TBCD: variants seen among roughly 807,000 people sequenced by gnomAD.
TBCD encodes tubulin folding cofactor D.
TBCD carries 105 observed loss-of-function variants against 169.3 expected under a neutral mutation model. That is an observed-to-expected ratio of 0.62 (90% CI 0.53 to 0.73). The LOEUF is 0.73. Among genes scored for constraint, TBCD ranks in the 30% least tolerant of loss-of-function variants. The probability of loss-of-function intolerance (pLI) is 0.00; values close to 1 mark genes in which losing one functional copy is unlikely to be tolerated. For synonymous variants in TBCD, 700 were observed against 643.9 expected (o/e 1.09, Z -1.32); for missense variants, 1,444 against 1,600.1 (o/e 0.90, Z 1.66).
chr17:82,824,835 CAGCTTTTT>C (rs1179163057), intron 13 of TBCD, among the ~76,000 whole-genome samples: 2 of 152,130 alleles, frequency 1.3e-5, no homozygotes, highest in Non-Finnish European at 2.9e-5. Flanking sequence ...ATTCTATGTT[CAGCTTTTT>C]GAGAGCTTAT....
chr17:82,903,469 G>T lies in TBCD; in HGVS notation c.1795G>T (p.Ala599Ser). 6.3e-7 allele frequency: 1 copy of T among 1,594,542 alleles called. No homozygotes were observed. Among genetic ancestry groups the T allele is most frequent in the South Asian group, 1.1e-5 (1 of 87,490 alleles). ...GGCCCAGCAGGCACCCGAGTTCAGC[G>T]CCACGCAAGGTGGGTGTGTGTCCCG... The part of the protein sequence containing the change: ...NLAQQAPEFS[A>S]TQVFPRLLSM... Residue 599 changes from alanine (A) to serine (S), a missense_variant, in exon 19 of 39, where the codon GCC becomes TCC. Physicochemically the swap from Ala to Ser is moderately conservative, Grantham distance 99. Coordinates refer to ENST00000355528, the MANE Select transcript of TBCD (RefSeq NM_005993.5). This position sits in a 1 kb window ranked among gnomAD's most constrained non-coding sequence, Gnocchi z 4.8.
At chr17:82,939,260 C>A in intron 36 of TBCD, 107 bp from the exon 37 acceptor site, 1 of 864,654 alleles carries the variant, frequency 1.2e-6, no homozygotes, top group Non-Finnish European at 1.9e-6. Flanking sequence ...CAGCGTCCTC[C>A]TCCTGACGCC....
rs1173031321 is a variant in TBCD at position 82,923,663 on chromosome 17, C to T, written c.2190C>T (p.Val730=). The part of the protein sequence containing the change: ...HSRQQMKDAA[V]SALAALCSEY... ...TGCCTTTGTTTTAGGATGCAGCAGT[C>T]TCGGCCCTGGCTGCTCTATGCAGTG... Residue 730 remains valine, a synonymous_variant, in exon 26 of 39, where the codon GTC becomes GTT. Transcript: ENST00000355528. This position sits in a 1 kb window ranked among gnomAD's most constrained non-coding sequence, Gnocchi z 4.6. 1 of 1,581,166 alleles carries T rather than the reference C, an allele frequency of 6.3e-7. No individual in the cohort carries two copies. Among genetic ancestry groups the T allele is most frequent in the Non-Finnish European group, 8.6e-7 (1 of 1,163,086 alleles).
At chr17:82,801,173 C>T (rs2050490683) in intron 9 of TBCD, among the ~76,000 whole-genome samples, 177 bp downstream of exon 9, 1 of 151,788 alleles carries the variant, frequency 6.6e-6, no homozygotes, top group Non-Finnish European at 1.5e-5. Context: ...AGGCAGGCGC[C>T]TTGGTTCTGG....
intron 13 of TBCD, among the ~76,000 whole-genome samples, chr17:82,850,278 C>CTGTTT (rs2055643878): frequency 7.7e-6 from 1 of 130,386 alleles, no homozygotes; most frequent in South Asian, 2.5e-4. Flanking sequence ...GTTGGCTGTG[C>CTGTTT]TGCTGTTGGC....
At chr17:82,893,425 C>T (rs564663941) in intron 16 of TBCD, 122 bp from the exon 17 acceptor site, 2 of 742,814 alleles carry the variant, frequency 2.7e-6, no homozygotes, top group Admixed American at 2.9e-5. Flanking sequence ...GGCTTGCTCA[C>T]CACCTGCCTC....
At position 82,925,034 on chromosome 17, in the gene TBCD, C is replaced by T; in HGVS notation, c.2356C>T (p.Leu786Phe). The T allele has an allele frequency of 6.4e-7, 1 of 1,562,200 alleles. No individual in the cohort carries two copies. The highest frequency in any genetic ancestry group is 8.7e-7 in the Non-Finnish European group (1 of 1,152,662). The change falls in exon 27 of 39, where the codon CTT becomes TTT. Residue 786 changes from leucine (L) to phenylalanine (F), a missense_variant. Coordinates refer to ENST00000355528, the MANE Select transcript of TBCD (RefSeq NM_005993.5). ...SLALGALPGF[L>F]LKGRLQQVLT... is the part of the protein sequence containing the mutation. ...GGCCTTGGGCGCCCTTCCAGGCTTCCTTCTGAAAGGCCGGCTCCAGCAGGT... is the reference window on the plus strand; with the variant it reads ...GGCCTTGGGCGCCCTTCCAGGCTTCTTTCTGAAAGGCCGGCTCCAGCAGGT...
chr17:82,808,670 T>C (rs1598628312), intron 11 of TBCD, among the ~76,000 whole-genome samples: 3 of 75,464 alleles, frequency 4.0e-5, no homozygotes, highest in South Asian at 5.0e-4. Context: ...GTGGAGGGGC[T>C]GGCAGGTGCT....
chr17:82,830,127 C>T (rs748282660), intron 13 of TBCD: 7 of 1,613,132 alleles, frequency 4.3e-6, no homozygotes, highest in South Asian at 2.2e-5. Flanking sequence ...TGTGAACACA[C>T]GTGTGAACCC....
intron 13 of TBCD, among the ~76,000 whole-genome samples, chr17:82,850,216 TGCTGCTGTTG>T (rs2055626242): frequency 7.1e-6 from 1 of 141,336 alleles, no homozygotes. Context: ...TTGTTGGCTG[TGCTGCTGTTG>T]GCTGTGCTGC....
chr17:82,932,203 T>A (rs2147366802), intron 33 of TBCD: 1 of 237,536 alleles, frequency 4.2e-6, no homozygotes, highest in East Asian at 1.3e-4. Context: ...CCTAGAAGAT[T>A]TATAGTTTTG....
In TBCD at chr17:82,905,961, A is replaced by G. The variant is rs773223430; in HGVS notation, c.1830A>G (p.Thr610=). ...TCTTCCCGAGGCTGCTGTCCATGAC[A>G]CTGAGTCCAGATCTTCACATGAGGC... ...TQVFPRLLSM[T]LSPDLHMRHG... Residue 610 remains threonine (T), a synonymous_variant, in exon 20 of 39, where the codon ACA becomes ACG. Transcript: ENST00000355528. The G allele has an allele frequency of 2.0e-5, 33 of 1,613,038 alleles. 1 individual carries two copies. In the Middle Eastern group the frequency reaches 9.9e-4, roughly 48 times the overall value.
intron 35 of TBCD, 116 bp downstream of exon 35, chr17:82,937,476 C>A: frequency 2.2e-6 from 2 of 894,730 alleles, no homozygotes; most frequent in Non-Finnish European, 3.5e-6. Flanking sequence ...ACTCCTCAAG[C>A]TAACCTAAGA....
chr17:82,842,780 C>CTTTTTTTTTTTTTT (rs375870095), intron 13 of TBCD, among the ~76,000 whole-genome samples: 9 of 129,896 alleles, frequency 6.9e-5, no homozygotes, highest in Admixed American at 1.5e-4. Context: ...TTCTTTCTTT[C>CTTTTTTTTTTTTTT]TTTTTTTTTT....
At position 82,843,913 on chromosome 17, in the gene TBCD, T is replaced by C. The variant is rs985793057; in HGVS notation, c.1319-26311T>C. On this transcript the variant is annotated intron_variant, in intron 13 of 38. Coordinates refer to ENST00000355528, the MANE Select transcript of TBCD (RefSeq NM_005993.5). ...ACTTTTCCACCATGGATTAGTTTTA[T>C]GTGTTGTAGAATTTTATGTCAGTAG... Among the ~76,000 whole-genome samples the C allele has an allele frequency of 1.8e-4, 28 of 152,314 alleles. No homozygotes were observed. The Middle Eastern group carries it at 0.01, about 56-fold the overall frequency.
At position 82,938,130 on chromosome 17, in the gene TBCD, C is replaced by T; in HGVS notation, c.3363C>T (p.Phe1121=). ...LQLCLLLCHR[F]PLIRKTTASQ... is the part of the protein sequence containing the mutation. Reference sequence around the variant, plus strand: ...TGTGTCTGCTCCTCTGCCACCGTTTCCCGCTGGTGAGTGCCTGCCCCTGCT... The same window carrying T: ...TGTGTCTGCTCCTCTGCCACCGTTTTCCGCTGGTGAGTGCCTGCCCCTGCT... The change falls in exon 36 of 39, where the codon TTC becomes TTT. Residue 1121 remains phenylalanine (F), a synonymous_variant. Coordinates refer to ENST00000355528, the MANE Select transcript of TBCD (RefSeq NM_005993.5). The T allele has an allele frequency of 6.2e-7, 1 of 1,612,008 alleles. No individual in the cohort carries two copies. The highest frequency in any genetic ancestry group is 8.5e-7 in the Non-Finnish European group (1 of 1,179,792).
chr17:82,800,918 C>T lies in TBCD; in HGVS notation c.872C>T (p.Thr291Ile). 1 of 1,612,404 alleles carries T rather than the reference C, an allele frequency of 6.2e-7. No individual in the cohort carries two copies. The highest frequency in any genetic ancestry group is 8.5e-7 in the Non-Finnish European group (1 of 1,179,446). ...DGCRLPESNQ[T>I]LLRKLGVKLV... ...TGCAGACTCCCTGAGAGCAACCAGA[C>T]CCTGCTGCGGAAGCTGGGGGTGAAG... is the stretch of plus-strand genomic sequence containing the variant. The change falls in exon 9 of 39, where the codon ACC becomes ATC. Residue 291 changes from threonine to isoleucine, a missense_variant. Coordinates refer to ENST00000355528, the MANE Select transcript of TBCD (RefSeq NM_005993.5).
At chr17:82,773,295 T>C (rs2048396346) in intron 6 of TBCD, among the ~76,000 whole-genome samples, 1 of 152,088 alleles carries the variant, frequency 6.6e-6, no homozygotes, top group Non-Finnish European at 1.5e-5. Flanking sequence ...GAGAGAAGCT[T>C]CCTTTGTGGG....
At chr17:82,800,261 C>T (rs71376532) in intron 8 of TBCD, among the ~76,000 whole-genome samples, 6,341 of 152,288 alleles carry the variant, frequency 0.042, 197 homozygotes, top group Non-Finnish European at 0.063. Context: ...TCGCAGCACC[C>T]GGGCGTCTCC....
Sources: gnomAD v4.1 joint callset for allele counts (sites outside exome capture counted in the v4.1 genomes callset) on GRCh38, gnomAD v4.1.1 for gene constraint, Gnocchi (gnomAD v3.1) non-coding constraint, MANE v1.5 for transcripts, NCBI Gene and HGNC (gene_info 2026-07-23, HGNC 2026-07-21) for gene names.